MGAM: variants seen among roughly 807,000 people sequenced by gnomAD.
MGAM encodes the protein maltase-glucoamylase, also known as alpha-1,4-glucosidase.
Under a neutral mutation model 358.8 loss-of-function variants are expected in MGAM, and 253 were observed. The observed-to-expected ratio is 0.71, with a 90% confidence interval of 0.64 to 0.78. The LOEUF (loss-of-function observed/expected upper bound fraction) is 0.78. Ranked by LOEUF, MGAM falls within the 30% of genes least tolerant of loss-of-function variation. The pLI is 0.00. For synonymous variants in MGAM, 1,105 were observed against 1,227.1 expected (o/e 0.90, Z 2.08); for missense variants, 3,080 against 3,432.6 (o/e 0.90, Z 2.57).
In MGAM at chr7:142,025,075, A is replaced by C. The variant is rs1554460380; in HGVS notation, c.908A>C (p.Gln303Pro). 16 of 1,613,726 alleles carry C rather than the reference A, an allele frequency of 9.9e-6. No homozygotes were observed. Among genetic ancestry groups the C allele is most frequent in the Non-Finnish European group, 1.4e-5 (16 of 1,179,684 alleles). The part of the protein sequence containing the change: ...NGNGTNLYGA[Q>P]TFFLCLEDAS... ...AACGGAACTAATTTGTATGGTGCGCAGACATTCTTCTTGTGCCTTGAAGAT... is the reference window on the plus strand; with the variant it reads ...AACGGAACTAATTTGTATGGTGCGCCGACATTCTTCTTGTGCCTTGAAGAT... The change falls in exon 8 of 71, where the codon CAG becomes CCG. Residue 303 changes from glutamine to proline, a missense_variant. Around this residue, in one of 5 missense-constraint regions of MGAM, gnomAD observed 1,816 missense variants for 1,840.5 expected, o/e 0.99. Coordinates refer to ENST00000475668, the MANE Select transcript of MGAM (RefSeq NM_001365693.1).
Position 142,095,639 on chromosome 7 carries a change from G to T in MGAM, c.7533G>T (p.Leu2511=). ...SRTVLQTRYT[L]LPYLYTLMHK... is the part of the protein sequence containing the mutation. ...CTGTCCTGCAGACCAGATACACCCT[G>T]TTGCCATATCTGTATACCTTGATGC... Residue 2511 remains leucine (L), a synonymous_variant, in exon 64 of 71, where the codon CTG becomes CTT. Coordinates refer to ENST00000475668, the MANE Select transcript of MGAM (RefSeq NM_001365693.1). 6.2e-7 allele frequency: 1 copy of T among 1,613,902 alleles called. No homozygotes were observed. The highest frequency in any genetic ancestry group is 1.1e-5 in the South Asian group (1 of 91,076).
At chr7:142,028,220 G>A (rs1554461708) in intron 10 of MGAM, among the ~76,000 whole-genome samples, 2 of 152,104 alleles carry the variant, frequency 1.3e-5, no homozygotes, top group African/African-American at 2.4e-5. Flanking sequence ...CATATTTTCA[G>A]AAATTCCTCT....
intron 3 of MGAM, among the ~76,000 whole-genome samples, chr7:142,008,928 C>A (rs534615970): frequency 6.6e-6 from 1 of 152,086 alleles, no homozygotes; most frequent in Non-Finnish European, 1.5e-5. Context: ...CCAGATTCAG[C>A]AAATAAAAGT....
rs1815749578 is a variant in MGAM, at chr7:142,094,842, C to G, written c.7437C>G (p.Asn2479Lys). The G allele has an allele frequency of 6.2e-7, 1 of 1,613,970 alleles. No individual in the cohort carries two copies. The change falls in exon 63 of 71, where the codon AAC (asparagine) becomes AAG (lysine). Residue 2479 changes from asparagine to lysine, a missense_variant. Physicochemically the swap from Asn to Lys is moderately conservative, Grantham distance 94. Around this residue, in one of 5 missense-constraint regions of MGAM, gnomAD observed 932 missense variants for 1,198.2 expected, o/e 0.78. Transcript: ENST00000475668. The stretch of plus-strand genomic sequence containing the variant: ...GGGCCTTTTACCCCTTCTCAAGAAA[C>G]CACAACACCATTGGGACCAGGGTAG... Reference protein sequence around the residue: ...QLGAFYPFSRNHNTIGTRRQD... With the variant: ...QLGAFYPFSRKHNTIGTRRQD...
At chr7:142,012,810 G>C (rs1039505557) in intron 3 of MGAM, among the ~76,000 whole-genome samples, 1 of 152,026 alleles carries the variant, frequency 6.6e-6, no homozygotes, top group Admixed American at 6.6e-5. Context: ...CTGGTACCTT[G>C]GTGAAAATGG....
chr7:142,005,704 G>T, intron 2 of MGAM, 47 bp downstream of exon 2: 1 of 1,562,422 alleles, frequency 6.4e-7, no homozygotes, highest in Admixed American at 1.9e-5. Flanking sequence ...TTTTATTAGA[G>T]CAAACCTTCA....
intron 3 of MGAM, among the ~76,000 whole-genome samples, chr7:142,009,057 A>C (rs1554453542): frequency 6.6e-6 from 1 of 152,192 alleles, no homozygotes. Flanking sequence ...TTATATGGCA[A>C]CACTACATGA....
rs782295291 is a variant in MGAM, at chr7:142,022,386, G to C, written c.829G>C (p.Asp277His). The C allele has an allele frequency of 2.5e-6, 4 of 1,613,726 alleles. No individual in the cohort carries two copies. Among genetic ancestry groups the C allele is most frequent in the Non-Finnish European group, 3.4e-6 (4 of 1,179,718 alleles). The part of the protein sequence containing the change: ...GEHVHQQYRH[D>H]MNWKTWPIFN... The stretch of plus-strand genomic sequence containing the variant: ...GCATGTGCACCAGCAGTATCGGCAT[G>C]ATATGAATTGGAAGACCTGGCCCAT... Residue 277 changes from aspartate (D) to histidine (H), a missense_variant, in exon 7 of 71, where the codon GAT becomes CAT. Physicochemically the swap from Asp to His is moderately conservative, Grantham distance 81. Transcript: ENST00000475668.
In MGAM at chr7:142,069,862, G is replaced by A. The variant is rs1391001554; in HGVS notation, c.5062-1132G>A. 2.7e-5 allele frequency among the ~76,000 whole-genome samples: 4 copies of A among 145,462 alleles called. 1 individual carries two copies. The highest frequency in any genetic ancestry group is 9.8e-5 in the African/African-American group (4 of 41,002). On this transcript the variant is annotated intron_variant, in intron 43 of 70. Coordinates refer to ENST00000475668, the MANE Select transcript of MGAM (RefSeq NM_001365693.1). The stretch of plus-strand genomic sequence containing the variant: ...CAGAAGATATCTTTGATGGAAGAGG[G>A]AAAGACAAAAGAAGTCATGGAGCAA...
At position 142,103,313 on chromosome 7, in the gene MGAM, T is replaced by C; in HGVS notation, c.8058T>C (p.Gly2686=). 3 of 1,612,926 alleles carry C rather than the reference T, an allele frequency of 1.9e-6. No homozygotes were observed. Among genetic ancestry groups the C allele is most frequent in the Middle Eastern group, 1.7e-4 (1 of 6,058 alleles). Reference sequence around the variant, plus strand: ...TAATTTTCAACAATTACATCACTGGTACAAATCCTTTGAAACTGGGCTACA... The same window carrying C: ...TAATTTTCAACAATTACATCACTGGCACAAATCCTTTGAAACTGGGCTACA... The part of the protein sequence containing the change: ...SHIIFNNYIT[G]TNPLKLGYIE... Residue 2686 remains glycine, a synonymous_variant, in exon 70 of 71, where the codon GGT becomes GGC. Coordinates refer to ENST00000475668, the MANE Select transcript of MGAM (RefSeq NM_001365693.1).
chr7:142,054,842 A>G lies in MGAM; in HGVS notation c.3248A>G (p.Tyr1083Cys), dbSNP rs755093530. Residue 1083 changes from tyrosine to cysteine, a missense_variant, in exon 27 of 71, where the codon TAT becomes TGT. Around this residue, in one of 5 missense-constraint regions of MGAM, gnomAD observed 1,816 missense variants for 1,840.5 expected, o/e 0.99. Coordinates refer to ENST00000475668, the MANE Select transcript of MGAM (RefSeq NM_001365693.1). The part of the protein sequence containing the change: ...MPSSTPEGQL[Y>C]DVLIKKNPFG... ...TCCAGCACCCCTGAGGGTCAACTCT[A>G]TGATGTGCTCATTAAGAAGAATCCA... is the stretch of plus-strand genomic sequence containing the variant. The G allele has an allele frequency of 1.2e-5, 20 of 1,613,840 alleles. No homozygotes were observed. The African/African-American group carries it at 1.9e-4, about 15-fold the overall frequency.
At chr7:142,038,472 T>C in intron 18 of MGAM, 59 bp from the exon 19 acceptor site, 1 of 1,305,272 alleles carries the variant, frequency 7.7e-7, no homozygotes, top group Non-Finnish European at 1.1e-6. Context: ...TGAGTAGAGC[T>C]GCTACAAATC....
In MGAM at chr7:142,054,877, G is replaced by A. The variant is rs1811342618; in HGVS notation, c.3283G>A (p.Glu1095Lys). Residue 1095 changes from glutamate (E) to lysine (K), a missense_variant, in exon 27 of 71, where the codon GAA (glutamate) becomes AAA (lysine). Transcript: ENST00000475668. ...CATTAAGAAGAATCCATTTGGGATTGAAATTCGCCGGAAGAGTACAGGCAC... is the reference window on the plus strand; with the variant it reads ...CATTAAGAAGAATCCATTTGGGATTAAAATTCGCCGGAAGAGTACAGGCAC... ...VLIKKNPFGI[E>K]IRRKSTGTII... 6.2e-7 allele frequency: 1 copy of A among 1,613,902 alleles called. No homozygotes were observed.
intron 28 of MGAM, 65 bp from the exon 29 acceptor site, chr7:142,055,935 G>C: frequency 1.3e-6 from 2 of 1,514,104 alleles, no homozygotes; most frequent in Non-Finnish European, 9.0e-7. Context: ...GCACATTTTT[G>C]TTGAGTTTCT....
At position 142,089,885 on chromosome 7, in the gene MGAM, T is replaced by C. The variant is rs994959810; in HGVS notation, c.6811-2028T>C. 7.5e-5 allele frequency among the ~76,000 whole-genome samples: 11 copies of C among 146,196 alleles called. 2 individuals carry two copies. Among genetic ancestry groups the C allele is most frequent in the Non-Finnish European group, 1.4e-4 (9 of 64,624 alleles). On this transcript the variant is annotated intron_variant, in intron 57 of 70. Coordinates refer to ENST00000475668, the MANE Select transcript of MGAM (RefSeq NM_001365693.1). ...ATTTATATTATTAATAAAGACCCACTCGATGAAGCTGGTGAGGATGAAGCC... is the reference window on the plus strand; with the variant it reads ...ATTTATATTATTAATAAAGACCCACCCGATGAAGCTGGTGAGGATGAAGCC...
intron 2 of MGAM, among the ~76,000 whole-genome samples, chr7:142,006,011 G>C (rs1376719862): frequency 6.6e-6 from 1 of 151,824 alleles, no homozygotes; most frequent in East Asian, 1.9e-4. Flanking sequence ...TGGAAAAATA[G>C]AAATATAGAA....
chr7:142,041,945 TATACATATATATAATATA>T, intron 21 of MGAM, among the ~76,000 whole-genome samples: 1 of 16,296 alleles, frequency 6.1e-5, no homozygotes, highest in South Asian at 1.5e-3. Context: ...ATATTATATA[TATACATATATATAATATA>T]TATATATTAT....
intron 3 of MGAM, among the ~76,000 whole-genome samples, chr7:142,012,307 G>T (rs184245124): frequency 1.3e-5 from 2 of 152,226 alleles, no homozygotes. Flanking sequence ...CAAGACCAAG[G>T]TGCTGGCATC....
At chr7:142,042,021 ATATATT>A (rs1465995729) in intron 21 of MGAM, among the ~76,000 whole-genome samples, 6 of 22,708 alleles carry the variant, frequency 2.6e-4, no homozygotes, top group African/African-American at 1.6e-3. Context: ...TATAATATAT[ATATATT>A]ATATTATATA....
Sources: allele counts gnomAD v4.1 joint callset (sites outside exome capture counted in the v4.1 genomes callset), GRCh38; gene constraint gnomAD v4.1.1; regional missense constraint gnomAD v4.1.1; transcripts MANE v1.5; gene names NCBI Gene and HGNC (gene_info 2026-07-23, HGNC 2026-07-21).